Variants in NRXN3 observed in about 807,000 individuals in gnomAD.
NRXN3 encodes neurexin 3.
In NRXN3, 32 loss-of-function variants were observed where a neutral mutation model predicts 137.6. That is an observed-to-expected ratio of 0.23 (90% CI 0.18 to 0.31). NRXN3 has a LOEUF of 0.31. NRXN3 is among the 10% of genes least tolerant of loss of function. NRXN3 has a pLI of 1.00. For synonymous variants in NRXN3, 798 were observed against 784.5 expected, an observed-to-expected ratio of 1.02 and a Z score of -0.29; for missense variants, 1,574 against 2,062.5, an observed-to-expected ratio of 0.76 and a Z score of 4.59.
rs972779193 is a variant in NRXN3 at position 79,645,928 on chromosome 14, T to G, written c.3445-17850T>G. 2.2e-5 allele frequency among the ~76,000 whole-genome samples: 3 copies of G among 136,158 alleles called. 1 individual carries two copies. The Admixed American group carries it at 2.3e-4, about 11-fold the overall frequency. 89.3% of individuals were successfully genotyped at this position (136,158 alleles called of 152,430 possible). A position where few individuals can be genotyped will look rare whatever the true frequency, so the allele number is the denominator to read the frequency against. ...TCAAATTCCTTGCTTTTCTTTTCCT[T>G]GTCTTTTCAATCCTACTGGGACCTC... On this transcript the variant is annotated intron_variant, in intron 16 of 20. Transcript: ENST00000335750.
chr14:79,736,375 G>C (rs4445828), intron 19 of NRXN3, among the ~76,000 whole-genome samples: 1 of 151,970 alleles, frequency 6.6e-6, no homozygotes, highest in South Asian at 2.1e-4. Flanking sequence ...GACCCCATCA[G>C]GTATTTTTTG....
chr14:78,584,869 G>A (rs929414527), intron 4 of NRXN3, among the ~76,000 whole-genome samples: 2 of 152,176 alleles, frequency 1.3e-5, no homozygotes, highest in African/African-American at 2.4e-5. Flanking sequence ...ATTTGCAAGA[G>A]TGGTTGCAGA....
At chr14:79,403,248 C>T (rs894033634) in intron 15 of NRXN3, among the ~76,000 whole-genome samples, 4 of 152,072 alleles carry the variant, frequency 2.6e-5, no homozygotes, top group Non-Finnish European at 5.9e-5. Flanking sequence ...GATGTGTGAA[C>T]GGACATATGC....
intron 4 of NRXN3, among the ~76,000 whole-genome samples, chr14:78,455,589 G>A (rs779101520): frequency 2.6e-5 from 4 of 152,206 alleles, no homozygotes; most frequent in Non-Finnish European, 5.9e-5. Context: ...AATAAAATGT[G>A]ATGTTAGTAT....
intron 10 of NRXN3, among the ~76,000 whole-genome samples, chr14:78,896,848 C>A (rs181088935): frequency 2.0e-5 from 3 of 151,766 alleles, no homozygotes; most frequent in Non-Finnish European, 4.4e-5. Context: ...ATGGAGATGA[C>A]GGGAAATGGT....
At chr14:79,457,782 A>G (rs2096276281) in intron 15 of NRXN3, among the ~76,000 whole-genome samples, 1 of 152,148 alleles carries the variant, frequency 6.6e-6, no homozygotes, top group Admixed American at 6.5e-5. Context: ...TTTTCCAGAG[A>G]ATATTCAATA....
intron 1 of NRXN3, among the ~76,000 whole-genome samples, chr14:78,241,960 T>G (rs1596303532): frequency 6.6e-6 from 1 of 152,194 alleles, no homozygotes; most frequent in Non-Finnish European, 1.5e-5. Flanking sequence ...CTTCCTACAG[T>G]GAGTTGTCAA....
At position 78,989,852 on chromosome 14, in the gene NRXN3, G is replaced by A. The variant is rs2099514992; in HGVS notation, c.3262+1711G>A. 5.3e-5 allele frequency among the ~76,000 whole-genome samples: 8 copies of A among 152,306 alleles called. No individual in the cohort carries two copies. The South Asian group carries it at 1.5e-3, about 28-fold the overall frequency. On this transcript the variant is annotated intron_variant, in intron 15 of 20. Coordinates refer to ENST00000335750, the MANE Select transcript of NRXN3 (RefSeq NM_001330195.2). ...CTCTCCACACAGAACAGGTATAAAG[G>A]TAAGTTATCGTAACGTGGTGAGCAC... is the stretch of plus-strand genomic sequence containing the variant.
chr14:79,560,148 C>G (rs1467755585), intron 16 of NRXN3, among the ~76,000 whole-genome samples: 1 of 152,042 alleles, frequency 6.6e-6, no homozygotes, highest in Non-Finnish European at 1.5e-5. Flanking sequence ...TTCTATAACA[C>G]TTTTTTCTAT....
At chr14:78,858,412 G>A (rs540730790) in intron 10 of NRXN3, among the ~76,000 whole-genome samples, 3 of 152,092 alleles carry the variant, frequency 2.0e-5, no homozygotes, top group Admixed American at 6.6e-5. Flanking sequence ...TTTTTAGCCC[G>A]GCAAGCTAGA....
chr14:79,181,373 TC>T (rs1276668282), intron 15 of NRXN3, among the ~76,000 whole-genome samples: 2 of 151,956 alleles, frequency 1.3e-5, no homozygotes, highest in Non-Finnish European at 2.9e-5. Flanking sequence ...ATATAGGATC[TC>T]CCCTTAAAGA....
At chr14:79,581,535 T>C (rs1351785325) in intron 16 of NRXN3, among the ~76,000 whole-genome samples, 1 of 152,220 alleles carries the variant, frequency 6.6e-6, no homozygotes, top group African/African-American at 2.4e-5. Context: ...CTTAAGCTCA[T>C]GGGGTGTTTT....
intron 15 of NRXN3, among the ~76,000 whole-genome samples, chr14:79,459,643 G>A (rs867311641): frequency 6.6e-6 from 1 of 151,670 alleles, no homozygotes; most frequent in African/African-American, 2.4e-5. Context: ...AACTAACACA[G>A]CAAAAAATAT....
chr14:79,598,506 A>C (rs886682491), intron 16 of NRXN3, among the ~76,000 whole-genome samples: 1 of 152,210 alleles, frequency 6.6e-6, no homozygotes. Flanking sequence ...TACTCTGCTC[A>C]TCAGGGATCC....
chr14:79,657,829 T>A (rs1480300273), intron 16 of NRXN3, among the ~76,000 whole-genome samples: 1 of 152,224 alleles, frequency 6.6e-6, no homozygotes, highest in Non-Finnish European at 1.5e-5. Context: ...TAAGATTTAT[T>A]GCACGAAATT....
chr14:78,969,391 A>G (rs1043896843), intron 14 of NRXN3, among the ~76,000 whole-genome samples: 1 of 152,218 alleles, frequency 6.6e-6, no homozygotes, highest in Non-Finnish European at 1.5e-5. Context: ...ACCTAACTTG[A>G]AAGGCAAAGA....
chr14:79,471,581 A>G (rs1242332780), intron 16 of NRXN3, among the ~76,000 whole-genome samples: 1 of 152,200 alleles, frequency 6.6e-6, no homozygotes, highest in Non-Finnish European at 1.5e-5. Context: ...GAAGTAGTCA[A>G]TCTTATTGCC....
chr14:78,294,264 C>T (rs1214408503), intron 3 of NRXN3, among the ~76,000 whole-genome samples: 3 of 152,124 alleles, frequency 2.0e-5, no homozygotes, highest in African/African-American at 7.2e-5. Flanking sequence ...TGTTATAAAG[C>T]TCGTGTCAGG....
intron 16 of NRXN3, among the ~76,000 whole-genome samples, chr14:79,654,781 T>G: frequency 6.6e-6 from 1 of 152,200 alleles, no homozygotes; most frequent in East Asian, 1.9e-4. Context: ...GGAATTTATC[T>G]GAGGGATTGA....
Sources: allele counts gnomAD v4.1 joint callset (sites outside exome capture counted in the v4.1 genomes callset), GRCh38; gene constraint gnomAD v4.1.1; transcripts MANE v1.5; gene names NCBI Gene and HGNC (gene_info 2026-07-23, HGNC 2026-07-21).